Variants in SPPL3 observed in about 807,000 individuals in gnomAD.
The protein encoded by SPPL3 is signal peptide peptidase like 3.
Under a neutral mutation model 42.4 loss-of-function variants are expected in SPPL3, and 5 were observed. The observed-to-expected ratio is 0.12, with a 90% confidence interval of 0.06 to 0.25. The LOEUF (loss-of-function observed/expected upper bound fraction) is 0.25. Ranked by LOEUF, SPPL3 falls within the 10% of genes least tolerant of loss-of-function variation. The pLI is 1.00. For missense variants in SPPL3, 235 were observed against 489.0 expected (o/e 0.48, Z 4.90); for synonymous variants, 195 against 181.8 (o/e 1.07, Z -0.58).
chr12:120,862,982 A>T (rs1021542198), intron 1 of SPPL3, among the ~76,000 whole-genome samples: 5 of 152,152 alleles, frequency 3.3e-5, no homozygotes, highest in African/African-American at 9.7e-5. Flanking sequence ...CTCCTCTATC[A>T]CGAAATTCTA....
chr12:120,789,247 A>G (rs1869825061), intron 3 of SPPL3, among the ~76,000 whole-genome samples: 1 of 151,812 alleles, frequency 6.6e-6, no homozygotes, highest in African/African-American at 2.4e-5. Flanking sequence ...TGAGGTCAGG[A>G]GTTCAAGACC....
At chr12:120,844,456 T>C (rs1198652271) in intron 1 of SPPL3, among the ~76,000 whole-genome samples, 1 of 152,118 alleles carries the variant, frequency 6.6e-6, no homozygotes, top group East Asian at 1.9e-4. Flanking sequence ...CAGCCTCCCA[T>C]CGTGCTGATA....
At chr12:120,854,890 A>C (rs2137037362) in intron 1 of SPPL3, among the ~76,000 whole-genome samples, 1 of 152,334 alleles carries the variant, frequency 6.6e-6, no homozygotes, top group East Asian at 1.9e-4. Context: ...AGTGCAATGA[A>C]AATATTCTTA....
At chr12:120,900,917 G>A (rs1593018868) in intron 1 of SPPL3, among the ~76,000 whole-genome samples, 1 of 107,016 alleles carries the variant, frequency 9.3e-6, no homozygotes, top group African/African-American at 3.8e-5. Context: ...GTGAGACCCT[G>A]TCTCACAAAA....
intron 1 of SPPL3, among the ~76,000 whole-genome samples, chr12:120,860,633 CT>C (rs1025812651): frequency 3.3e-5 from 5 of 152,008 alleles, no homozygotes; most frequent in African/African-American, 1.2e-4. Flanking sequence ...GTTTTTGTTT[CT>C]TTTTTCTGGT....
At chr12:120,772,864 G>A (rs1467089289) in intron 6 of SPPL3, among the ~76,000 whole-genome samples, 5 of 152,154 alleles carry the variant, frequency 3.3e-5, no homozygotes, top group Non-Finnish European at 5.9e-5. Context: ...GTTATCAAGC[G>A]CTCACTGAGT....
chr12:120,833,844 A>G (rs146174581), intron 1 of SPPL3, among the ~76,000 whole-genome samples: 16 of 151,344 alleles, frequency 1.1e-4, no homozygotes, highest in African/African-American at 3.9e-4. Flanking sequence ...TTAAGTGGTG[A>G]GATCCATTTT....
At chr12:120,877,846 G>A (rs1224438122) in intron 1 of SPPL3, among the ~76,000 whole-genome samples, 1 of 151,340 alleles carries the variant, frequency 6.6e-6, no homozygotes, top group Non-Finnish European at 1.5e-5. Context: ...ATGCAGGGCT[G>A]GTTTAATATT....
intron 1 of SPPL3, among the ~76,000 whole-genome samples, chr12:120,886,636 C>A (rs1022076301): frequency 6.6e-6 from 1 of 152,204 alleles, no homozygotes; most frequent in Non-Finnish European, 1.5e-5. Flanking sequence ...AACCAAAAAT[C>A]TGAGCTATGA....
intron 1 of SPPL3, among the ~76,000 whole-genome samples, chr12:120,812,473 G>C (rs1225743778): frequency 6.6e-5 from 10 of 152,174 alleles, no homozygotes; most frequent in Non-Finnish European, 5.9e-5. Flanking sequence ...GTACTGAGGA[G>C]ACAAGTGGAT....
chr12:120,845,257 G>A, intron 1 of SPPL3: 1 of 388,794 alleles, frequency 2.6e-6, no homozygotes, highest in South Asian at 2.2e-5. Context: ...TGCATTCACG[G>A]CATTGGAGAG....
rs374051300 is a variant in SPPL3 at position 120,787,316 on chromosome 12, T to C, written c.191-2723A>G. Among the ~76,000 whole-genome samples, 14 of 152,340 alleles carry C rather than the reference T, an allele frequency of 9.2e-5. No individual in the cohort carries two copies. The East Asian group carries it at 2.7e-3, about 29-fold the overall frequency. On this transcript the variant is annotated intron_variant, in intron 3 of 10. Transcript: ENST00000353487. ...CAAATAAATTATAACTGAAGTTTAG[T>C]AAAAGTCTTTAAGATGTCAGATAAT...
chr12:120,832,155 T>C (rs1033549869), intron 1 of SPPL3, among the ~76,000 whole-genome samples: 3 of 152,210 alleles, frequency 2.0e-5, no homozygotes, highest in East Asian at 1.9e-4. Flanking sequence ...GCTCATTTAA[T>C]ACTCAAAATA....
At chr12:120,776,715 G>A (rs902931797) in intron 6 of SPPL3, among the ~76,000 whole-genome samples, 14 of 151,986 alleles carry the variant, frequency 9.2e-5, no homozygotes, top group Non-Finnish European at 1.9e-4. Context: ...TTGGGTCAGC[G>A]GCTTACTAAG....
chr12:120,768,703 A>G lies in SPPL3; in HGVS notation c.610-215T>C, dbSNP rs185125237. 5.1e-4 allele frequency: 332 copies of G among 650,212 alleles called. 1 individual carries two copies. The highest frequency in any genetic ancestry group is 4.8e-3 in the African/African-American group (265 of 54,778). The allele number at this position is 650,212 out of a possible 1,614,324, so 40.3% of individuals were successfully genotyped here. On this transcript the variant is annotated intron_variant, in intron 7 of 10. Coordinates refer to ENST00000353487, the MANE Select transcript of SPPL3 (RefSeq NM_139015.5). ...ATTACTCCCTGACGGGGTGGCCCCC[A>G]CTGCAGCGAATCTTGTCAGCCTGTT... is the stretch of plus-strand genomic sequence containing the variant.
chr12:120,767,469 G>C lies in SPPL3; in HGVS notation c.898C>G (p.Pro300Ala). The C allele has an allele frequency of 6.2e-7, 1 of 1,614,136 alleles. No individual in the cohort carries two copies. Among genetic ancestry groups the C allele is most frequent in the East Asian group, 2.2e-5 (1 of 44,890 alleles). The change falls in exon 9 of 11, where the codon CCT becomes GCT. Residue 300 changes from proline (P) to alanine (A), a missense_variant. Pro to Ala is a conservative substitution (Grantham distance 27, BLOSUM62 -1). This residue lies in a region of SPPL3 where 29 missense variants were observed against 16.4 expected (regional missense o/e 1.77). Coordinates refer to ENST00000353487, the MANE Select transcript of SPPL3 (RefSeq NM_139015.5). Reference protein sequence around the residue: ...KQASGDSCGAPGPANISGRMQ... With the variant: ...KQASGDSCGAAGPANISGRMQ... ...CGCCCGGAGATGTTGGCAGGTCCAGGGGCCCCACAGGAGTCCCCACTGGCT... is the reference window on the plus strand; with the variant it reads ...CGCCCGGAGATGTTGGCAGGTCCAGCGGCCCCACAGGAGTCCCCACTGGCT...
chr12:120,805,900 G>A (rs181769182), intron 2 of SPPL3, among the ~76,000 whole-genome samples: 2 of 151,430 alleles, frequency 1.3e-5, no homozygotes, highest in African/African-American at 2.4e-5. Flanking sequence ...AATAAACGGA[G>A]ACACATTCCA....
At chr12:120,845,152 T>C in intron 1 of SPPL3, 3 of 458,712 alleles carry the variant, frequency 6.5e-6, no homozygotes, top group South Asian at 1.8e-5. Flanking sequence ...GCCCAGTCCT[T>C]GATAGAGCCC....
intron 1 of SPPL3, among the ~76,000 whole-genome samples, chr12:120,858,101 A>C (rs1328548006): frequency 6.6e-6 from 1 of 152,296 alleles, no homozygotes; most frequent in South Asian, 2.1e-4. Context: ...AAAACAATAA[A>C]AACATACCAG....
Sources: allele counts gnomAD v4.1 joint callset (sites outside exome capture counted in the v4.1 genomes callset), GRCh38; gene constraint gnomAD v4.1.1; regional missense constraint gnomAD v4.1.1; transcripts MANE v1.5; gene names NCBI Gene and HGNC (gene_info 2026-07-23, HGNC 2026-07-21).